TMEM196: variants seen among roughly 807,000 people sequenced by gnomAD.
TMEM196 encodes transmembrane protein 196.
A neutral mutation model predicts 20.0 loss-of-function variants in TMEM196; 17 were observed. That is an observed-to-expected ratio of 0.85 (90% CI 0.58 to 1.27). The LOEUF (loss-of-function observed/expected upper bound fraction) is 1.27, where lower values mean the gene tolerates loss of function less well. Ranked by LOEUF, TMEM196 falls within the 50% of genes most tolerant of loss-of-function variation. The probability of loss-of-function intolerance (pLI) is 0.00; values close to 1 mark genes in which losing one functional copy is unlikely to be tolerated. For synonymous variants in TMEM196, 113 were observed against 88.9 expected (o/e 1.27, Z -1.52); for missense variants, 267 against 223.0 (o/e 1.20, Z -1.26).
intron 1 of TMEM196, among the ~76,000 whole-genome samples, chr7:19,759,378 A>T (rs1785341715): frequency 6.6e-6 from 1 of 151,908 alleles, no homozygotes; most frequent in Non-Finnish European, 1.5e-5. Context: ...CTGGTTCCTC[A>T]TTTCTATCCA....
At chr7:19,755,063 A>G (rs1206389538) in intron 1 of TMEM196, among the ~76,000 whole-genome samples, 2 of 152,210 alleles carry the variant, frequency 1.3e-5, no homozygotes, top group Non-Finnish European at 2.9e-5. Context: ...GTTATGGTAC[A>G]TGGCAGGTGT....
intron 1 of TMEM196, among the ~76,000 whole-genome samples, chr7:19,756,474 T>C (rs1785215249): frequency 6.6e-6 from 1 of 152,060 alleles, no homozygotes; most frequent in African/African-American, 2.4e-5. Context: ...AACCAAGTAT[T>C]AAGCCTAGAT....
Position 19,719,677 on chromosome 7 carries a change from T to C in TMEM196, c.*2451A>G, listed in dbSNP as rs1783752557. On this transcript the variant is annotated 3_prime_UTR_variant, in exon 5 of 5. Coordinates refer to ENST00000405844, the MANE Select transcript of TMEM196 (RefSeq NM_001363562.2). ...TTGTCCAAATTAAAGTTTCAAGCAC[T>C]TGAACAATGTCTTCCTAACATCCCC... The C allele has an allele frequency of 6.6e-6, 1 of 152,114 alleles. No homozygotes were observed. The highest frequency in any genetic ancestry group is 1.5e-5 in the Non-Finnish European group (1 of 67,970). The allele number at this position is 152,114 out of a possible 1,614,324, so 9.4% of individuals were successfully genotyped here.
At chr7:19,726,154 A>C (rs1017176123) in intron 2 of TMEM196, among the ~76,000 whole-genome samples, 1 of 152,126 alleles carries the variant, frequency 6.6e-6, no homozygotes, top group Non-Finnish European at 1.5e-5. Flanking sequence ...CTCAATTGAC[A>C]CTCCCAGCAA....
intron 1 of TMEM196, among the ~76,000 whole-genome samples, chr7:19,760,765 G>A (rs1785404663): frequency 6.6e-6 from 1 of 152,032 alleles, no homozygotes; most frequent in South Asian, 2.1e-4. Context: ...CAGGGATTAT[G>A]GTTATTTTAT....
At chr7:19,752,973 A>C (rs1785051381) in intron 1 of TMEM196, among the ~76,000 whole-genome samples, 1 of 152,106 alleles carries the variant, frequency 6.6e-6, no homozygotes, top group Non-Finnish European at 1.5e-5. Context: ...TCAGGGCCCA[A>C]ATGGATGGTT....
At chr7:19,751,891 G>T (rs2128031056) in intron 1 of TMEM196, among the ~76,000 whole-genome samples, 1 of 152,236 alleles carries the variant, frequency 6.6e-6, no homozygotes, top group East Asian at 1.9e-4. Flanking sequence ...TATACTCAGG[G>T]ATTTGAGTAC....
chr7:19,738,497 A>T (rs921842347), intron 1 of TMEM196, among the ~76,000 whole-genome samples: 5 of 152,116 alleles, frequency 3.3e-5, no homozygotes, highest in Admixed American at 1.3e-4. Flanking sequence ...GAGCACACCT[A>T]TCACCCAGAT....
At chr7:19,743,005 T>TG (rs568974902) in intron 1 of TMEM196, among the ~76,000 whole-genome samples, 20 of 152,282 alleles carry the variant, frequency 1.3e-4, no homozygotes, top group Middle Eastern at 3.4e-3. Flanking sequence ...TGTTCATACT[T>TG]ATCTCCATTA....
intron 1 of TMEM196, among the ~76,000 whole-genome samples, chr7:19,760,863 G>T (rs1302220522): frequency 6.6e-6 from 1 of 152,168 alleles, no homozygotes; most frequent in Non-Finnish European, 1.5e-5. Flanking sequence ...ACAAGAAAGA[G>T]AACCGAGGAG....
chr7:19,756,058 T>G (rs1239952678), intron 1 of TMEM196, among the ~76,000 whole-genome samples: 2 of 150,176 alleles, frequency 1.3e-5, no homozygotes, highest in Non-Finnish European at 1.5e-5. Flanking sequence ...AGCATGAAGT[T>G]TCCTGACCAG....
chr7:19,753,858 G>A (rs538756460), intron 1 of TMEM196, among the ~76,000 whole-genome samples: 1 of 152,202 alleles, frequency 6.6e-6, no homozygotes, highest in African/African-American at 2.4e-5. Flanking sequence ...CATAGGCCTT[G>A]CCTCCACGAG....
Position 19,720,350 on chromosome 7 carries a change from A to G in TMEM196, c.*1778T>C, listed in dbSNP as rs1374020638. On this transcript the variant is annotated 3_prime_UTR_variant, in exon 5 of 5. Transcript: ENST00000405844. ...GGTTAAACGATGATCATGTTGCTAT[A>G]AAAGACCTTCAAATTTTCATTAACT... 1 of 152,044 alleles carries G rather than the reference A, an allele frequency of 6.6e-6. No homozygotes were observed. The highest frequency in any genetic ancestry group is 1.9e-4 in the East Asian group (1 of 5,202). 9.4% of individuals were successfully genotyped at this position (152,044 alleles called of 1,614,324 possible).
chr7:19,766,582 C>CAT (rs752623012), intron 1 of TMEM196, among the ~76,000 whole-genome samples: 4 of 150,856 alleles, frequency 2.7e-5, no homozygotes, highest in African/African-American at 7.3e-5. Context: ...ATCATATACA[C>CAT]ATATATATAT....
intron 1 of TMEM196, among the ~76,000 whole-genome samples, chr7:19,736,583 G>A (rs1784417151): frequency 6.6e-6 from 1 of 151,502 alleles, no homozygotes; most frequent in African/African-American, 2.4e-5. Context: ...TGATTCTAGT[G>A]TACAGTCAAG....
At chr7:19,734,361 A>T (rs1463326876) in intron 1 of TMEM196, among the ~76,000 whole-genome samples, 1 of 152,240 alleles carries the variant, frequency 6.6e-6, no homozygotes, top group Non-Finnish European at 1.5e-5. Flanking sequence ...ATGGTGGTAG[A>T]CTGAATTATG....
chr7:19,753,771 C>A (rs1048389925), intron 1 of TMEM196, among the ~76,000 whole-genome samples: 2 of 152,204 alleles, frequency 1.3e-5, no homozygotes, highest in African/African-American at 4.8e-5. Context: ...TTGGACCAAG[C>A]CTACCTCTTC....
chr7:19,732,349 C>T (rs902473931), intron 1 of TMEM196, among the ~76,000 whole-genome samples: 4 of 151,894 alleles, frequency 2.6e-5, no homozygotes, highest in African/African-American at 7.2e-5. Flanking sequence ...CTGAGGTGGG[C>T]GGATCACAAG....
chr7:19,746,110 C>G (rs1400275276), intron 1 of TMEM196, among the ~76,000 whole-genome samples: 1 of 152,052 alleles, frequency 6.6e-6, no homozygotes, highest in Non-Finnish European at 1.5e-5. Context: ...TAGTCTAAAA[C>G]GTTACCTATT....
Sources: gnomAD v4.1 joint callset for allele counts (sites outside exome capture counted in the v4.1 genomes callset) on GRCh38, gnomAD v4.1.1 for gene constraint, MANE v1.5 for transcripts, NCBI Gene and HGNC (gene_info 2026-07-23, HGNC 2026-07-21) for gene names.